Variants in AKAP7 observed in about 807,000 individuals in gnomAD.
AKAP7 encodes A kinase (PRKA) anchor protein 7.
AKAP7 carries 39 observed loss-of-function variants against 39.5 expected under a neutral mutation model. That is an observed-to-expected ratio of 0.99 (90% CI 0.76 to 1.29). The LOEUF is 1.29. Among genes scored for constraint, AKAP7 ranks in the 50% most tolerant of loss-of-function variants. The probability of loss-of-function intolerance (pLI) is 0.00; values close to 1 mark genes in which losing one functional copy is unlikely to be tolerated. For synonymous variants in AKAP7, 140 were observed against 139.1 expected (o/e 1.01, Z -0.05); for missense variants, 414 against 407.7 (o/e 1.02, Z -0.13).
chr6:131,228,652 A>T (rs1357356304), intron 7 of AKAP7, among the ~76,000 whole-genome samples: 1 of 151,926 alleles, frequency 6.6e-6, no homozygotes, highest in Non-Finnish European at 1.5e-5. Flanking sequence ...TGGGTTTTAA[A>T]TTCTTTTAAA....
intron 2 of AKAP7, among the ~76,000 whole-genome samples, chr6:131,145,843 C>T (rs940115533): frequency 3.3e-5 from 5 of 152,048 alleles, no homozygotes; most frequent in Admixed American, 1.3e-4. Flanking sequence ...TGTGAATGAT[C>T]GTGCCGCGCC....
At chr6:131,162,378 A>G (rs1181887179) in intron 3 of AKAP7, among the ~76,000 whole-genome samples, 1 of 150,216 alleles carries the variant, frequency 6.7e-6, no homozygotes, top group Non-Finnish European at 1.5e-5. Flanking sequence ...TAGATGCTGG[A>G]AAGAGTGCAG....
At chr6:131,232,214 C>T (rs1489169402) in intron 7 of AKAP7, among the ~76,000 whole-genome samples, 2 of 152,170 alleles carry the variant, frequency 1.3e-5, no homozygotes, top group African/African-American at 2.4e-5. Flanking sequence ...AATTAAGCAT[C>T]ACTACTAAAA....
In AKAP7 at chr6:131,270,928, T is replaced by G. The variant is rs142190130; in HGVS notation, c.851-10602T>G. 4.0e-3 allele frequency among the ~76,000 whole-genome samples: 602 copies of G among 152,348 alleles called. 3 individuals are homozygous for G. The highest frequency in any genetic ancestry group is 4.8e-3 in the Non-Finnish European group (324 of 68,022). On this transcript the variant is annotated intron_variant, in intron 7 of 7. Coordinates refer to ENST00000431975, the MANE Select transcript of AKAP7 (RefSeq NM_016377.4). The stretch of plus-strand genomic sequence containing the variant: ...CCGTTTTTGTATTTGGTTGCTTTTC[T>G]TACTGTTAAGTAGTAAGAGTTCTTT...
At chr6:131,199,752 A>G (rs896407289) in intron 6 of AKAP7, among the ~76,000 whole-genome samples, 179 bp downstream of exon 6, 10 of 152,068 alleles carry the variant, frequency 6.6e-5, no homozygotes, top group Admixed American at 6.6e-4. Flanking sequence ...CATGGAGGCT[A>G]TTTCAGCTTT....
At chr6:131,133,589 G>C (rs1800375122), upstream of AKAP7, among the ~76,000 whole-genome samples, 1 of 152,184 alleles carries the variant, frequency 6.6e-6, no homozygotes, top group Non-Finnish European at 1.5e-5. Context: ...CATTTGGGCT[G>C]TTACCTCTGC....
chr6:131,282,178 A>G lies in AKAP7; in HGVS notation c.*452A>G. ...CACTGTTGGAATTGTCATCTGTACA[A>G]TTAGTCCATAATGTTTCATGTTTGT... On this transcript the variant is annotated 3_prime_UTR_variant, in exon 8 of 8. Transcript: ENST00000431975. 7.9e-7 allele frequency: 1 copy of G among 1,259,318 alleles called. No homozygotes were observed. Among genetic ancestry groups the G allele is most frequent in the East Asian group, 3.3e-5 (1 of 30,438 alleles). 78.0% of individuals were successfully genotyped at this position (1,259,318 alleles called of 1,614,324 possible). A position where few individuals can be genotyped will look rare whatever the true frequency, so the allele number is the denominator to read the frequency against.
At chr6:131,273,307 C>A (rs1814448553) in intron 7 of AKAP7, among the ~76,000 whole-genome samples, 1 of 152,026 alleles carries the variant, frequency 6.6e-6, no homozygotes, top group South Asian at 2.1e-4. Context: ...AGTGTCTAGG[C>A]CATCTTATGT....
intron 5 of AKAP7, among the ~76,000 whole-genome samples, chr6:131,171,936 A>T (rs1476415803): frequency 1.3e-5 from 2 of 152,182 alleles, no homozygotes; most frequent in African/African-American, 4.8e-5. Context: ...ATAGGGCTGA[A>T]GATTAGAGTT....
chr6:131,164,119 G>A (rs917723563), intron 3 of AKAP7, among the ~76,000 whole-genome samples: 1 of 152,106 alleles, frequency 6.6e-6, no homozygotes, highest in Non-Finnish European at 1.5e-5. Context: ...AGTTTGCTAT[G>A]CTCATGAGTC....
chr6:131,128,077 A>T, the AKAP7 span, among the ~76,000 whole-genome samples: 1 of 152,212 alleles, frequency 6.6e-6, no homozygotes. Flanking sequence ...CTAGCCTCCT[A>T]TCAAGGTGGC....
intron 7 of AKAP7, among the ~76,000 whole-genome samples, chr6:131,267,711 C>G (rs1255739146): frequency 6.6e-6 from 1 of 152,192 alleles, no homozygotes; most frequent in Non-Finnish European, 1.5e-5. Context: ...TTGAGAAATA[C>G]TTATTCATTC....
At chr6:131,191,976 A>G (rs1162149428) in intron 5 of AKAP7, among the ~76,000 whole-genome samples, 2 of 151,166 alleles carry the variant, frequency 1.3e-5, no homozygotes, top group Non-Finnish European at 2.9e-5. Context: ...GGGTCTATCC[A>G]TGTTGCCCAG....
At chr6:131,176,772 T>C (rs891633921) in intron 5 of AKAP7, among the ~76,000 whole-genome samples, 3 of 152,148 alleles carry the variant, frequency 2.0e-5, no homozygotes, top group African/African-American at 7.2e-5. Context: ...TTTAGGCCCT[T>C]CTAGGGTGCT....
intron 7 of AKAP7, among the ~76,000 whole-genome samples, chr6:131,234,449 G>C (rs1272535906): frequency 6.6e-6 from 1 of 152,128 alleles, no homozygotes; most frequent in African/African-American, 2.4e-5. Flanking sequence ...GGAAAGTTTT[G>C]AACTGAAAAT....
chr6:131,158,915 T>TA (rs34120369), intron 2 of AKAP7, among the ~76,000 whole-genome samples: 37,914 of 145,972 alleles, frequency 0.26, 5,294 homozygotes, highest in African/African-American at 0.37. Context: ...TAGAATCTGT[T>TA]AAAAAAAAAA....
In AKAP7 at chr6:131,169,237, G is replaced by A; in HGVS notation, c.553G>A (p.Glu185Lys). The A allele has an allele frequency of 1.2e-6, 2 of 1,614,122 alleles. No individual in the cohort carries two copies. Among genetic ancestry groups the A allele is most frequent in the Non-Finnish European group, 8.5e-7 (1 of 1,179,980 alleles). ...GNQVGFVKLA[E>K]GDHVNSLLEI... ...TCAGGTTGGATTTGTGAAGCTGGCA[G>A]AAGGAGATCATGTAAACTCACTTTT... is the stretch of plus-strand genomic sequence containing the variant. Residue 185 changes from glutamate (E) to lysine (K), a missense_variant, in exon 5 of 8, where the codon GAA (glutamate) becomes AAA (lysine). Physicochemically the swap from Glu to Lys is moderately conservative, Grantham distance 56 (BLOSUM62 1). Coordinates refer to ENST00000431975, the MANE Select transcript of AKAP7 (RefSeq NM_016377.4).
At chr6:131,209,628 C>G (rs948376330) in intron 6 of AKAP7, among the ~76,000 whole-genome samples, 6 of 152,012 alleles carry the variant, frequency 3.9e-5, no homozygotes, top group Non-Finnish European at 7.4e-5. Flanking sequence ...TCAGAGTATT[C>G]AAGTTAATTA....
intron 7 of AKAP7, among the ~76,000 whole-genome samples, chr6:131,267,397 CT>C (rs1198051527): frequency 1.3e-5 from 2 of 152,162 alleles, no homozygotes; most frequent in Non-Finnish European, 2.9e-5. Flanking sequence ...GTCGAATTTT[CT>C]TTAGCGTTAT....
Sources: gnomAD v4.1 joint callset for allele counts (sites outside exome capture counted in the v4.1 genomes callset) on GRCh38, gnomAD v4.1.1 for gene constraint, MANE v1.5 for transcripts, NCBI Gene and HGNC (gene_info 2026-07-23, HGNC 2026-07-21) for gene names.